The following SLC25A21 variants were observed in gnomAD, a reference collection of about 807,000 sequenced individuals.
The protein encoded by SLC25A21 is mitochondrial 2-oxodicarboxylate carrier.
In SLC25A21, 47 loss-of-function variants were observed where a neutral mutation model predicts 43.8. The ratio of observed to expected loss-of-function variants is 1.07; its 90% CI spans 0.85 to 1.37. The LOEUF (loss-of-function observed/expected upper bound fraction) is 1.37, where lower values mean the gene tolerates loss of function less well. SLC25A21 is among the 40% of genes most tolerant of loss of function. The pLI, the probability that SLC25A21 is intolerant of heterozygous loss-of-function variation, is 0.00. For synonymous variants in SLC25A21, 131 were observed against 121.3 expected (o/e 1.08, Z -0.52); for missense variants, 352 against 350.2 (o/e 1.00, Z -0.04).
At chr14:37,066,471 A>G (rs12894067) in intron 1 of SLC25A21, among the ~76,000 whole-genome samples, 73,325 of 152,020 alleles carry the variant, frequency 0.48, 20,547 homozygotes, top group African/African-American at 0.79. Flanking sequence ...GATTATGTGA[A>G]CAGATGAAAT....
chr14:36,712,790 CA>C (rs145364729), intron 6 of SLC25A21, among the ~76,000 whole-genome samples: 2 of 152,012 alleles, frequency 1.3e-5, no homozygotes, highest in African/African-American at 4.8e-5. Context: ...ACAGGAAAAC[CA>C]AAAAATTTTC....
At chr14:37,143,619 T>A (rs944566055) in intron 1 of SLC25A21, among the ~76,000 whole-genome samples, 2 of 150,476 alleles carry the variant, frequency 1.3e-5, no homozygotes, top group Non-Finnish European at 3.0e-5. Flanking sequence ...TGTGTGTGTG[T>A]CTGTAATTTG....
chr14:36,896,085 T>C (rs945680320), intron 1 of SLC25A21, among the ~76,000 whole-genome samples: 13 of 152,224 alleles, frequency 8.5e-5, no homozygotes, highest in African/African-American at 3.1e-4. Context: ...GTTCAATTCC[T>C]GGATATCCTC....
intron 6 of SLC25A21, among the ~76,000 whole-genome samples, chr14:36,724,946 A>G (rs1884532318): frequency 6.6e-6 from 1 of 152,230 alleles, no homozygotes; most frequent in South Asian, 2.1e-4. Context: ...AAGTTTTGCC[A>G]GCAGCTGGGA....
rs139560678 is a variant in SLC25A21, at chr14:36,926,697, T to A, written c.71-51693A>T. Among the ~76,000 whole-genome samples, 7 of 152,266 alleles carry A rather than the reference T, an allele frequency of 4.6e-5. No individual in the cohort carries two copies. The East Asian group carries it at 1.2e-3, about 25-fold the overall frequency. On this transcript the variant is annotated intron_variant, in intron 1 of 9. Coordinates refer to ENST00000331299, the MANE Select transcript of SLC25A21 (RefSeq NM_030631.4). ...CTTATAACTCTGAATTCCACAGTAGTTTGGGTATTTAACTATATTGACACT... is the reference window on the plus strand; with the variant it reads ...CTTATAACTCTGAATTCCACAGTAGATTGGGTATTTAACTATATTGACACT...
At chr14:36,794,083 T>C (rs1157404694) in intron 3 of SLC25A21, among the ~76,000 whole-genome samples, 1 of 152,034 alleles carries the variant, frequency 6.6e-6, no homozygotes, top group African/African-American at 2.4e-5. Flanking sequence ...AGAGATGAAT[T>C]TGTCAATCAG....
intron 1 of SLC25A21, among the ~76,000 whole-genome samples, chr14:36,931,977 T>C (rs987373088): frequency 6.6e-6 from 1 of 152,170 alleles, no homozygotes; most frequent in Non-Finnish European, 1.5e-5. Flanking sequence ...ACGACACTAG[T>C]GTCCATTTGC....
intron 1 of SLC25A21, among the ~76,000 whole-genome samples, chr14:37,141,771 A>T (rs1406238275): frequency 6.6e-6 from 1 of 152,194 alleles, no homozygotes; most frequent in African/African-American, 2.4e-5. Context: ...ATTTTTCTAG[A>T]TTGCACTGAC....
At chr14:36,776,234 CTTTCT>C (rs1423534806) in intron 3 of SLC25A21, among the ~76,000 whole-genome samples, 128 of 75,754 alleles carry the variant, frequency 1.7e-3, no homozygotes, top group African/African-American at 6.9e-3. Flanking sequence ...TTCTTTCTTT[CTTTCT>C]TTTTTTTTTT....
intron 1 of SLC25A21, among the ~76,000 whole-genome samples, chr14:37,145,476 C>CAGAGAGAGAG (rs35649306): frequency 0.013 from 1,936 of 143,628 alleles, 51 homozygotes; most frequent in African/African-American, 0.048. Flanking sequence ...CACACACACA[C>CAGAGAGAGAG]AGAGAGATGA....
chr14:36,887,783 C>G (rs997570414), intron 1 of SLC25A21, among the ~76,000 whole-genome samples: 2 of 152,068 alleles, frequency 1.3e-5, no homozygotes, highest in Non-Finnish European at 2.9e-5. Flanking sequence ...CAGAAAGATA[C>G]ATATATTTTT....
intron 1 of SLC25A21, among the ~76,000 whole-genome samples, chr14:37,047,407 T>C (rs1306230405): frequency 1.3e-5 from 2 of 152,050 alleles, no homozygotes; most frequent in Non-Finnish European, 2.9e-5. Context: ...GTTGGAAGTA[T>C]GAGAGCAATA....
chr14:37,082,329 T>G (rs2138839799), intron 1 of SLC25A21, among the ~76,000 whole-genome samples: 1 of 152,310 alleles, frequency 6.6e-6, no homozygotes, highest in South Asian at 2.1e-4. Context: ...CAAACCTCAG[T>G]ATCATGCAAT....
intron 1 of SLC25A21, among the ~76,000 whole-genome samples, chr14:37,033,093 A>T (rs139657303): frequency 5.3e-5 from 8 of 152,260 alleles, no homozygotes; most frequent in African/African-American, 1.9e-4. Context: ...CATCTTACAA[A>T]ACTAACACTC....
chr14:37,124,377 G>A (rs540322061), intron 1 of SLC25A21, among the ~76,000 whole-genome samples: 7 of 151,758 alleles, frequency 4.6e-5, no homozygotes, highest in East Asian at 3.9e-4. Context: ...ATCCTTTCCC[G>A]AGAATATTTG....
At chr14:37,170,186 C>T (rs1434910950) in intron 1 of SLC25A21, among the ~76,000 whole-genome samples, 1 of 151,376 alleles carries the variant, frequency 6.6e-6, no homozygotes, top group Non-Finnish European at 1.5e-5. Flanking sequence ...TAGCCGGACA[C>T]CACCAAGCCC....
intron 2 of SLC25A21, among the ~76,000 whole-genome samples, chr14:36,822,081 T>C (rs1344439111): frequency 1.3e-5 from 2 of 152,046 alleles, no homozygotes; most frequent in African/African-American, 4.8e-5. Context: ...CAAACCAAGG[T>C]AGGGGACAGG....
At chr14:37,157,015 A>G (rs1477180852) in intron 1 of SLC25A21, among the ~76,000 whole-genome samples, 1 of 152,224 alleles carries the variant, frequency 6.6e-6, no homozygotes, top group Non-Finnish European at 1.5e-5. Context: ...TCTCCAGGAT[A>G]GACCATATGT....
At chr14:36,820,699 C>T (rs1013812043) in intron 2 of SLC25A21, among the ~76,000 whole-genome samples, 3 of 152,110 alleles carry the variant, frequency 2.0e-5, no homozygotes, top group Admixed American at 2.0e-4. Context: ...GAGAATAGAC[C>T]TTGCCTTTTG....
Sources: gnomAD v4.1 joint callset for allele counts (sites outside exome capture counted in the v4.1 genomes callset) on GRCh38, gnomAD v4.1.1 for gene constraint, MANE v1.5 for transcripts, NCBI Gene and HGNC (gene_info 2026-07-23, HGNC 2026-07-21) for gene names.